The following ZFP1 variants were observed in gnomAD, a reference collection of about 807,000 sequenced individuals.
ZFP1 encodes ZFP1 zinc finger protein.
Under a neutral mutation model 38.5 loss-of-function variants are expected in ZFP1, and 32 were observed. The ratio of observed to expected loss-of-function variants is 0.83; its 90% CI spans 0.63 to 1.12. The LOEUF (loss-of-function observed/expected upper bound fraction) is 1.12. Among genes scored for constraint, ZFP1 ranks in the 50% most tolerant of loss-of-function variants. ZFP1 has a pLI of 0.00. For synonymous variants in ZFP1, 245 were observed against 168.8 expected, an observed-to-expected ratio of 1.45 and a Z score of -3.50; for missense variants, 616 against 480.8, an observed-to-expected ratio of 1.28 and a Z score of -2.63.
At chr16:75,119,523 G>C in the ZFP1 span, 1 of 152,110 alleles carries the variant, frequency 6.6e-6, no homozygotes, top group African/African-American at 2.4e-5. Context: ...GGGAAGATGA[G>C]GGTTTTTCCC....
the ZFP1 span, among the ~76,000 whole-genome samples, chr16:75,131,736 G>C: frequency 6.6e-6 from 1 of 152,158 alleles, no homozygotes; most frequent in Non-Finnish European, 1.5e-5. Context: ...GGCCGAAGTG[G>C]GTGGGTCACC....
At chr16:75,126,486 C>T in the ZFP1 span, among the ~76,000 whole-genome samples, 3 of 152,296 alleles carry the variant, frequency 2.0e-5, no homozygotes, top group South Asian at 4.1e-4. Context: ...TTACTACAAC[C>T]TCTGCCTCCC....
At position 75,161,776 on chromosome 16, in the gene ZFP1, T is replaced by TATATA. The variant is rs1225483116; in HGVS notation, c.16-4994_16-4993insATATA. The stretch of plus-strand genomic sequence containing the variant: ...TTATGAAATATATATATATATATAT[T>TATATA]TTTTTTTTTTTTTTTTTTTTTTTTC... On this transcript the variant is annotated intron_variant, in intron 2 of 3. Coordinates refer to ENST00000570010, the MANE Select transcript of ZFP1 (RefSeq NM_153688.4). Among the ~76,000 whole-genome samples the TATATA allele has an allele frequency of 5.6e-3, 25 of 4,454 alleles. 1 individual carries two copies. Among genetic ancestry groups the TATATA allele is most frequent in the South Asian group, 0.043 (8 of 186 alleles). The allele number at this position is 4,454 out of a possible 152,430, so 2.9% of individuals were successfully genotyped here.
the ZFP1 span, among the ~76,000 whole-genome samples, chr16:75,129,044 C>T: frequency 6.6e-6 from 1 of 152,182 alleles, no homozygotes; most frequent in African/African-American, 2.4e-5. Context: ...CCTGCCTCAG[C>T]CTCCCAAAGT....
chr16:75,164,810 T>TTTA (rs1555523832), intron 2 of ZFP1, among the ~76,000 whole-genome samples: 4 of 29,004 alleles, frequency 1.4e-4, no homozygotes, highest in East Asian at 5.5e-4. Flanking sequence ...TTTCCATAAG[T>TTTA]TTTTTTTTTT....
In ZFP1 at chr16:75,171,061, A is replaced by C. The variant is rs2038401919; in HGVS notation, c.*727A>C. 1 of 152,274 alleles carries C rather than the reference A, an allele frequency of 6.6e-6. No individual in the cohort carries two copies. Among genetic ancestry groups the C allele is most frequent in the Non-Finnish European group, 1.5e-5 (1 of 68,064 alleles). The allele number at this position is 152,274 out of a possible 1,614,324, so 9.4% of individuals were successfully genotyped here. A position where few individuals can be genotyped will look rare whatever the true frequency, so the allele number is the denominator to read the frequency against. ...CCGATCTATAACGTGAAGGAGGCAG[A>C]CATGAGCTGTACTACTCAGTATGCA... is the stretch of plus-strand genomic sequence containing the variant. On this transcript the variant is annotated 3_prime_UTR_variant, in exon 4 of 4. Transcript: ENST00000570010.
At chr16:75,163,628 T>C (rs1424818460) in intron 2 of ZFP1, among the ~76,000 whole-genome samples, 1 of 150,126 alleles carries the variant, frequency 6.7e-6, no homozygotes, top group African/African-American at 2.4e-5. Context: ...TTTGTTGTTG[T>C]TGAGACAGGG....
Position 75,171,500 on chromosome 16 carries a change from T to C in ZFP1, c.*1166T>C, listed in dbSNP as rs2038432970. On this transcript the variant is annotated 3_prime_UTR_variant, in exon 4 of 4. Transcript: ENST00000570010. ...CTTTGGAACATGAGTTATAAGTTAT[T>C]ACTTTTCCTTTACATGTTTACACTT... 6.6e-6 allele frequency: 1 copy of C among 152,238 alleles called. No homozygotes were observed. The highest frequency in any genetic ancestry group is 1.5e-5 in the Non-Finnish European group (1 of 68,040). 9.4% of individuals were successfully genotyped at this position (152,238 alleles called of 1,614,324 possible). A position where few individuals can be genotyped will look rare whatever the true frequency, so the allele number is the denominator to read the frequency against.
the ZFP1 span, among the ~76,000 whole-genome samples, chr16:75,124,440 G>C: frequency 1.3e-5 from 2 of 149,776 alleles, no homozygotes; most frequent in Non-Finnish European, 3.0e-5. Flanking sequence ...GATTACAGGC[G>C]TGAGCCACCA....
chr16:75,150,670 C>T (rs1025582983), intron 1 of ZFP1, among the ~76,000 whole-genome samples: 7 of 152,184 alleles, frequency 4.6e-5, no homozygotes, highest in Non-Finnish European at 1.0e-4. Context: ...CTCAAGTGAT[C>T]CGCTGACCTT....
At chr16:75,153,192 G>A (rs564930953) in intron 2 of ZFP1, among the ~76,000 whole-genome samples, 3 of 152,142 alleles carry the variant, frequency 2.0e-5, no homozygotes, top group Non-Finnish European at 4.4e-5. Flanking sequence ...TAAATTTTAT[G>A]GACCTTCATA....
At chr16:75,164,305 C>T (rs932535532) in intron 2 of ZFP1, among the ~76,000 whole-genome samples, 1 of 151,746 alleles carries the variant, frequency 6.6e-6, no homozygotes, top group Non-Finnish European at 1.5e-5. Flanking sequence ...GCTTTTCCTT[C>T]TCTGCTTATT....
intron 1 of ZFP1, among the ~76,000 whole-genome samples, chr16:75,150,365 C>T (rs1446040699): frequency 9.9e-5 from 13 of 131,898 alleles, no homozygotes; most frequent in African/African-American, 3.2e-4. Context: ...CCCGCCACTA[C>T]ACCTGGCTAA....
chr16:75,150,536 T>C (rs191661258), intron 1 of ZFP1, among the ~76,000 whole-genome samples: 2 of 152,220 alleles, frequency 1.3e-5, no homozygotes, highest in Admixed American at 6.5e-5. Context: ...TTTTATATTA[T>C]TGATTTATAG....
the ZFP1 span, among the ~76,000 whole-genome samples, chr16:75,140,203 C>T: frequency 3.3e-5 from 5 of 151,736 alleles, no homozygotes; most frequent in East Asian, 3.9e-4. Context: ...GAGAGGTAGA[C>T]GTTGCGGTGA....
In ZFP1 at chr16:75,170,853, C is replaced by T. The variant is rs183168454; in HGVS notation, c.*519C>T. On this transcript the variant is annotated 3_prime_UTR_variant, in exon 4 of 4. Coordinates refer to ENST00000570010, the MANE Select transcript of ZFP1 (RefSeq NM_153688.4). The stretch of plus-strand genomic sequence containing the variant: ...TATGCATTCCAAATGAAATGTGTAA[C>T]ATTTAAAGTAGCATGGAACCTACGT... 1 of 152,624 alleles carries T rather than the reference C, an allele frequency of 6.6e-6. No homozygotes were observed. The highest frequency in any genetic ancestry group is 1.5e-5 in the Non-Finnish European group (1 of 68,302). 9.5% of individuals were successfully genotyped at this position (152,624 alleles called of 1,614,324 possible).
chr16:75,122,259 G>A, the ZFP1 span, among the ~76,000 whole-genome samples: 1 of 152,224 alleles, frequency 6.6e-6, no homozygotes, highest in Non-Finnish European at 1.5e-5. Context: ...GGACCGCACA[G>A]TCTAAGCTAA....
In ZFP1 at chr16:75,170,742, A is replaced by G. The variant is rs2038380562; in HGVS notation, c.*408A>G. 1 of 160,884 alleles carries G rather than the reference A, an allele frequency of 6.2e-6. No homozygotes were observed. Among genetic ancestry groups the G allele is most frequent in the South Asian group, 1.9e-4 (1 of 5,176 alleles). 10.0% of individuals were successfully genotyped at this position (160,884 alleles called of 1,614,324 possible). A position where few individuals can be genotyped will look rare whatever the true frequency, so the allele number is the denominator to read the frequency against. ...TTTAGCATAATCACTGGGAATTTGA[A>G]ATTCTTGTCCTCTGTGATAATTAGG... is the stretch of plus-strand genomic sequence containing the variant. On this transcript the variant is annotated 3_prime_UTR_variant, in exon 4 of 4. Transcript: ENST00000570010.
At chr16:75,141,742 TAA>T in the ZFP1 span, among the ~76,000 whole-genome samples, 26 of 144,340 alleles carry the variant, frequency 1.8e-4, no homozygotes, top group East Asian at 2.1e-4. Context: ...CAAATTAATT[TAA>T]AAAAAAAAAA....
Sources: allele counts gnomAD v4.1 joint callset (sites outside exome capture counted in the v4.1 genomes callset), GRCh38; gene constraint gnomAD v4.1.1; transcripts MANE v1.5; gene names NCBI Gene and HGNC (gene_info 2026-07-23, HGNC 2026-07-21).